DHX58: variants seen among roughly 807,000 people sequenced by gnomAD.
DHX58 encodes the protein DExH-box helicase 58.
A neutral mutation model predicts 65.0 loss-of-function variants in DHX58; 51 were observed. The ratio of observed to expected loss-of-function variants is 0.78; its 90% CI spans 0.63 to 0.99. DHX58 has a LOEUF of 0.99. Ranked by LOEUF, DHX58 falls within the 50% of genes least tolerant of loss-of-function variation. The pLI is 0.00. For missense variants in DHX58, 773 were observed against 891.8 expected (o/e 0.87, Z 1.70); for synonymous variants, 350 against 365.0 (o/e 0.96, Z 0.47).
chr17:42,107,955 C>T (rs1350288346), intron 7 of DHX58, 27 bp downstream of exon 7: 3 of 1,613,698 alleles, frequency 1.9e-6, no homozygotes, highest in Non-Finnish European at 2.5e-6. Context: ...ACATCCTCGC[C>T]TCCGCCAGAA....
At position 42,111,784 on chromosome 17, in the gene DHX58, C is replaced by G. The variant is rs139860453; in HGVS notation, c.109G>C (p.Val37Leu). The G allele has an allele frequency of 4.0e-5, 65 of 1,613,992 alleles. No homozygotes were observed. Among genetic ancestry groups the G allele is most frequent in the Non-Finnish European group, 5.5e-5 (65 of 1,179,988 alleles). ...GAGKTRAAAY[V>L]AKRHLETVDG... is the part of the protein sequence containing the mutation. ...ACAGTCTCTAGGTGCCGCTTGGCCA[C>G]ATAAGCAGCCGCCCGGGTCTTCCCG... The change falls in exon 3 of 14, where the codon GTG (valine) becomes CTG (leucine). Residue 37 changes from valine (V) to leucine (L), a missense_variant. By Grantham distance (32) the Val-to-Leu change is conservative. Transcript: ENST00000251642.
At chr17:42,107,822 G>A (rs1555663137) in intron 7 of DHX58, 27 bp from the exon 8 acceptor site, 2 of 1,545,474 alleles carry the variant, frequency 1.3e-6, no homozygotes, top group Non-Finnish European at 1.7e-6. Context: ...CAGGGTCTGA[G>A]CAGCCCACAG....
chr17:42,103,793 C>A lies in DHX58; in HGVS notation c.1569G>T (p.Arg523=). 1.2e-6 allele frequency: 2 copies of A among 1,604,982 alleles called. No homozygotes were observed. The highest frequency in any genetic ancestry group is 1.7e-6 in the Non-Finnish European group (2 of 1,178,850). ...TGGTCAAGGCTGCCTGCTGCAGATC[C>A]CGGATCTGGGGTGGGAGGAGACACC... is the stretch of plus-strand genomic sequence containing the variant. The part of the protein sequence containing the change: ...MDQAEYQAKI[R]DLQQAALTKR... The change falls in exon 12 of 14, where the codon CGG becomes CGT. Residue 523 remains arginine, a synonymous_variant. Transcript: ENST00000251642.
Position 42,104,886 on chromosome 17 carries a change from A to G in DHX58, c.1443T>C (p.Phe481=), listed in dbSNP as rs2054031339. ...RARADQSVYA[F]VATEGSRELK... ...GCTCCCGGCTACCTTCAGTTGCTAC[A>G]AACGCGTATACACTCTGATCGGCCC... Residue 481 remains phenylalanine, a synonymous_variant, in exon 11 of 14, where the codon TTT becomes TTC. Coordinates refer to ENST00000251642, the MANE Select transcript of DHX58 (RefSeq NM_024119.3). The G allele has an allele frequency of 1.9e-6, 3 of 1,614,020 alleles. No homozygotes were observed. The highest frequency in any genetic ancestry group is 2.2e-5 in the East Asian group (1 of 44,892).
At chr17:42,102,466 A>C (rs1451197716) in intron 12 of DHX58, 154 bp from the exon 13 acceptor site, 1 of 656,848 alleles carries the variant, frequency 1.5e-6, no homozygotes, top group Non-Finnish European at 2.7e-6. Context: ...ATCTTTGGTG[A>C]GTTCTACCTG....
Position 42,111,463 on chromosome 17 carries a change from C to T in DHX58, c.203G>A (p.Arg68Lys), listed in dbSNP as rs1555664255. The change falls in exon 4 of 14, where the codon AGG (arginine) becomes AAG (lysine). Residue 68 changes from arginine to lysine, a missense_variant. Physicochemically the swap from Arg to Lys is conservative, Grantham distance 26. Transcript: ENST00000251642. ...HLVTQHGEEF[R>K]RMLDGRWTVT... ...GGTCCAGCGTCCATCCAGCATGCGC[C>T]TGAACTCTTCACCATGCTGGGTCAC... The T allele has an allele frequency of 6.2e-7, 1 of 1,614,150 alleles. No individual in the cohort carries two copies. Among genetic ancestry groups the T allele is most frequent in the Non-Finnish European group, 8.5e-7 (1 of 1,180,024 alleles).
Position 42,107,367 on chromosome 17 carries a change from T to TTAAA in DHX58, c.997+236_997+237insTTTA, listed in dbSNP as rs55830333. Among the ~76,000 whole-genome samples, 378 of 140,124 alleles carry TTAAA rather than the reference T, an allele frequency of 2.7e-3. 2 individuals carry two copies. Among genetic ancestry groups the TTAAA allele is most frequent in the African/African-American group, 8.8e-3 (350 of 39,566 alleles). 91.9% of individuals were successfully genotyped at this position (140,124 alleles called of 152,430 possible). On this transcript the variant is annotated intron_variant, in intron 8 of 13. Coordinates refer to ENST00000251642, the MANE Select transcript of DHX58 (RefSeq NM_024119.3). ...GGTGACAGAGCAAGACCCCGACTAT[T>TTAAA]AAAAAAAAAAAAAAAGTCAACAATG...
chr17:42,110,642 G>A (rs1269128253), intron 5 of DHX58, 81 bp downstream of exon 5: 41 of 1,472,556 alleles, frequency 2.8e-5, no homozygotes, highest in Admixed American at 4.3e-5. Flanking sequence ...TGGTGGGGAC[G>A]GGGTAGTGGC....
intron 9 of DHX58, 60 bp from the exon 10 acceptor site, chr17:42,105,227 C>A: frequency 2.0e-6 from 3 of 1,515,928 alleles, no homozygotes; most frequent in East Asian, 4.7e-5. Flanking sequence ...CAGACTGACT[C>A]CACCTGCCAG....
In DHX58 at chr17:42,109,193, G is replaced by C; in HGVS notation, c.678+77C>G. On this transcript the variant is annotated intron_variant, in intron 6 of 13. Transcript: ENST00000251642. The stretch of plus-strand genomic sequence containing the variant: ...ACCTGAAGTCACAGAGCTAGTGAGG[G>C]CAGAGTCAGGGCCCAAGCCTAGGTG... 1.4e-5 allele frequency: 17 copies of C among 1,251,502 alleles called. No individual in the cohort carries two copies. The South Asian group carries it at 2.5e-4, about 18-fold the overall frequency. The allele number at this position is 1,251,502 out of a possible 1,614,324, so 77.5% of individuals were successfully genotyped here.
chr17:42,103,269 A>G, intron 12 of DHX58: 2 of 322,966 alleles, frequency 6.2e-6, no homozygotes, highest in Non-Finnish European at 1.2e-5. Context: ...GAGATAGTGG[A>G]TGGAGGATGG....
chr17:42,107,534 G>A (rs1394308873), intron 8 of DHX58, 70 bp downstream of exon 8: 2 of 1,450,262 alleles, frequency 1.4e-6, no homozygotes, highest in Non-Finnish European at 1.8e-6. Context: ...CTTGGCGCCT[G>A]TGCCCTGGCC....
chr17:42,112,122 T>C lies in DHX58; in HGVS notation c.-11A>G, dbSNP rs1317906147. The C allele has an allele frequency of 8.1e-6, 4 of 493,370 alleles. No individual in the cohort carries two copies. Among genetic ancestry groups the C allele is most frequent in the Admixed American group, 3.7e-5 (1 of 26,680 alleles). The allele number at this position is 493,370 out of a possible 1,614,324, so 30.6% of individuals were successfully genotyped here. On this transcript the variant is annotated 5_prime_UTR_variant, in exon 2 of 14. Coordinates refer to ENST00000251642, the MANE Select transcript of DHX58 (RefSeq NM_024119.3). ...CCAGCCCAGGACTCACCTGCTCTAGTAGGTAGGTCTGCCCAGGGCAGTCCC... is the reference window on the plus strand; with the variant it reads ...CCAGCCCAGGACTCACCTGCTCTAGCAGGTAGGTCTGCCCAGGGCAGTCCC...
Position 42,110,760 on chromosome 17 carries a change from G to C in DHX58, c.524C>G (p.Ala175Gly), listed in dbSNP as rs1598221485. 6.2e-7 allele frequency: 1 copy of C among 1,611,974 alleles called. No homozygotes were observed. Among genetic ancestry groups the C allele is most frequent in the Non-Finnish European group, 8.5e-7 (1 of 1,178,938 alleles). ...GLTASPGTGG[A>G]SKLDGAINHV... ...GTTGATGGCCCCATCGAGTTTGGAG[G>C]CCCCGCCAGTGCCTGGGGAGGCTGT... Residue 175 changes from alanine to glycine, a missense_variant, in exon 5 of 14, where the codon GCC becomes GGC. Transcript: ENST00000251642.
intron 12 of DHX58, chr17:42,102,959 T>C (rs1297630992): frequency 6.6e-6 from 1 of 150,636 alleles, no homozygotes; most frequent in Non-Finnish European, 1.5e-5. Flanking sequence ...AATTTTTGTA[T>C]TTTTTTTTAG....
rs782265248 is a variant in DHX58 at position 42,102,215 on chromosome 17, C to A, written c.1851+1G>T. ...GCCTGGGACGTGGCCTAAGCTCTTA[C>A]CTCCCCACAGTTCCTGCAGCTGATG... On this transcript the variant is annotated splice_donor_variant, in intron 13 of 13. Coordinates refer to ENST00000251642, the MANE Select transcript of DHX58 (RefSeq NM_024119.3). LOFTEE classifies it high-confidence loss of function. The A allele has an allele frequency of 1.2e-5, 20 of 1,614,052 alleles. No individual in the cohort carries two copies. The highest frequency in any genetic ancestry group is 1.7e-5 in the Admixed American group (1 of 60,002).
chr17:42,108,081 GCTT>G lies in DHX58; in HGVS notation c.703_705del (p.Lys235del), dbSNP rs2054093040. On this transcript the variant is annotated inframe_deletion, in exon 7 of 14. Transcript: ENST00000251642. ...AGGTGGTCATGGATTTGGTCCATGAGCTTCTTCAGCAAGTCCCCAAACGGATCC... is the reference window on the plus strand; with the variant it reads ...AGGTGGTCATGGATTTGGTCCATGAGCTTCAGCAAGTCCCCAAACGGATCC... The G allele has an allele frequency of 6.2e-7, 1 of 1,614,128 alleles. No homozygotes were observed. Among genetic ancestry groups the G allele is most frequent in the South Asian group, 1.1e-5 (1 of 91,094 alleles).
At chr17:42,103,821 G>C in intron 11 of DHX58, 23 bp from the exon 12 acceptor site, 1 of 1,594,946 alleles carries the variant, frequency 6.3e-7, no homozygotes, top group Non-Finnish European at 8.5e-7. Context: ...GAGACACCAG[G>C]CATGGCTGGG....
At chr17:42,104,576 C>T (rs1314212388) in intron 11 of DHX58, among the ~76,000 whole-genome samples, 190 bp downstream of exon 11, 1 of 152,202 alleles carries the variant, frequency 6.6e-6, no homozygotes, top group African/African-American at 2.4e-5. Context: ...TTCCCAAGGC[C>T]TTCTGGAGTC....
Sources: gnomAD v4.1 joint callset for allele counts (sites outside exome capture counted in the v4.1 genomes callset) on GRCh38, gnomAD v4.1.1 for gene constraint, MANE v1.5 for transcripts, NCBI Gene and HGNC (gene_info 2026-07-23, HGNC 2026-07-21) for gene names.